Variants in NEMP2 observed in about 807,000 individuals in gnomAD.
The protein encoded by NEMP2 is UPF0571 transmembrane protein.
NEMP2 carries 53 observed loss-of-function variants against 54.2 expected under a neutral mutation model. The ratio of observed to expected loss-of-function variants is 0.98; its 90% CI spans 0.78 to 1.23. NEMP2 has a LOEUF of 1.23. Among genes scored for constraint, NEMP2 ranks in the 50% most tolerant of loss-of-function variants. The probability of loss-of-function intolerance (pLI) is 0.00; values close to 1 mark genes in which losing one functional copy is unlikely to be tolerated. For missense variants in NEMP2, 455 were observed against 511.3 expected (o/e 0.89, Z 1.06); for synonymous variants, 197 against 190.3 (o/e 1.04, Z -0.29).
Position 190,518,764 on chromosome 2 carries a change from G to T in NEMP2, c.490C>A (p.Leu164Ile). 6.5e-7 allele frequency: 1 copy of T among 1,542,920 alleles called. No homozygotes were observed. The highest frequency in any genetic ancestry group is 8.7e-7 in the Non-Finnish European group (1 of 1,144,552). Residue 164 changes from leucine to isoleucine, a missense_variant, in exon 4 of 9, where the codon CTT (leucine) becomes ATT (isoleucine). By Grantham distance (5) the Leu-to-Ile change is conservative. This residue lies in a region of NEMP2 where 294 missense variants were observed against 333.6 expected (regional missense o/e 0.88). Transcript: ENST00000409150. ...LFLVFVAGVF[L>I]FFYARTLSQS... ...CTCAGGGTCCTTGCATAAAAGAAAAGAAAAACTCCTGCCACAAACACAAGG... is the reference window on the plus strand; with the variant it reads ...CTCAGGGTCCTTGCATAAAAGAAAATAAAAACTCCTGCCACAAACACAAGG...
chr2:190,469,065 T>C, the NEMP2 span, among the ~76,000 whole-genome samples: 1 of 152,150 alleles, frequency 6.6e-6, no homozygotes, highest in Non-Finnish European at 1.5e-5. This position sits in a 1 kb window ranked among gnomAD's most constrained non-coding sequence, Gnocchi z 5.3. Flanking sequence ...ACTTATACTT[T>C]TGGCAGCGGT....
At chr2:190,534,891 C>T (rs1691316355), upstream of NEMP2, 3 of 365,654 alleles carry the variant, frequency 8.2e-6, no homozygotes, top group South Asian at 2.9e-4. Flanking sequence ...TGGCGCGACC[C>T]CGCTGGCATG....
chr2:190,576,681 C>T, the NEMP2 span, among the ~76,000 whole-genome samples: 27 of 151,846 alleles, frequency 1.8e-4, no homozygotes, highest in Non-Finnish European at 8.8e-5. Context: ...TGACTTGTTT[C>T]GTATGTGTTT....
chr2:190,518,552 C>T (rs1371098689), intron 4 of NEMP2, among the ~76,000 whole-genome samples, 184 bp downstream of exon 4: 1 of 152,180 alleles, frequency 6.6e-6, no homozygotes, highest in Non-Finnish European at 1.5e-5. Flanking sequence ...ATACATATCA[C>T]ACGATAAAAA....
the NEMP2 span, among the ~76,000 whole-genome samples, chr2:190,619,833 T>C: frequency 6.6e-6 from 1 of 152,140 alleles, no homozygotes; most frequent in African/African-American, 2.4e-5. The surrounding 1 kb of genome is among the most constrained non-coding windows in gnomAD (Gnocchi z 5.5). Flanking sequence ...TATAGGCCAC[T>C]GAGAAAAATG....
the NEMP2 span, among the ~76,000 whole-genome samples, chr2:190,486,229 C>T: frequency 3.3e-5 from 5 of 152,242 alleles, no homozygotes; most frequent in African/African-American, 1.2e-4. Flanking sequence ...TCCAGTTTGG[C>T]TGGTGGGAAG....
the NEMP2 span, among the ~76,000 whole-genome samples, chr2:190,429,227 C>A: frequency 3.4e-5 from 5 of 148,812 alleles, no homozygotes; most frequent in Non-Finnish European, 6.0e-5. Flanking sequence ...TCTTTTGTTA[C>A]GTGTGTGTGT....
At chr2:190,475,055 G>A in the NEMP2 span, among the ~76,000 whole-genome samples, 1 of 152,056 alleles carries the variant, frequency 6.6e-6, no homozygotes, top group African/African-American at 2.4e-5. Flanking sequence ...GGTATTGATG[G>A]GACATATCTC....
chr2:190,589,599 T>C, the NEMP2 span, among the ~76,000 whole-genome samples: 3 of 152,152 alleles, frequency 2.0e-5, no homozygotes, highest in African/African-American at 7.2e-5. This position sits in a 1 kb window ranked among gnomAD's most constrained non-coding sequence, Gnocchi z 4.3. Flanking sequence ...GCAGTTTCCC[T>C]AGAATCCTGG....
the NEMP2 span, among the ~76,000 whole-genome samples, chr2:190,459,241 G>A: frequency 6.6e-6 from 1 of 152,170 alleles, no homozygotes; most frequent in Non-Finnish European, 1.5e-5. This position sits in a 1 kb window ranked among gnomAD's most constrained non-coding sequence, Gnocchi z 5.3. Context: ...ACCACAGTCA[G>A]GAACAGCAGG....
the NEMP2 span, among the ~76,000 whole-genome samples, chr2:190,605,735 C>T: frequency 6.6e-6 from 1 of 152,198 alleles, no homozygotes; most frequent in Non-Finnish European, 1.5e-5. Context: ...TCTTGTTCCA[C>T]ATGGCCATCT....
the NEMP2 span, among the ~76,000 whole-genome samples, chr2:190,567,397 G>A: frequency 1.3e-4 from 19 of 151,894 alleles, no homozygotes; most frequent in Non-Finnish European, 2.4e-4. This position sits in a 1 kb window ranked among gnomAD's most constrained non-coding sequence, Gnocchi z 4.0. Context: ...AGAACTGAAG[G>A]CTATGTCTAA....
At chr2:190,544,221 C>T in the NEMP2 span, among the ~76,000 whole-genome samples, 2 of 152,142 alleles carry the variant, frequency 1.3e-5, no homozygotes, top group Admixed American at 6.5e-5. Context: ...TTTGTTGTAT[C>T]ACGTTTTTCT....
the NEMP2 span, among the ~76,000 whole-genome samples, chr2:190,622,709 A>C: frequency 6.6e-6 from 1 of 152,158 alleles, no homozygotes; most frequent in Non-Finnish European, 1.5e-5. Context: ...CACACCACGG[A>C]CCCTTATCTA....
the NEMP2 span, among the ~76,000 whole-genome samples, chr2:190,566,593 G>A: frequency 6.6e-4 from 98 of 148,172 alleles, no homozygotes; most frequent in Middle Eastern, 6.8e-3. Context: ...GTCTTAAAAC[G>A]GGAAAGAAAA....
chr2:190,575,720 G>A, the NEMP2 span, among the ~76,000 whole-genome samples: 1 of 152,158 alleles, frequency 6.6e-6, no homozygotes, highest in Non-Finnish European at 1.5e-5. Context: ...GTTGGGCATG[G>A]TGGTGCACGC....
At chr2:190,579,184 C>T in the NEMP2 span, among the ~76,000 whole-genome samples, 5 of 151,952 alleles carry the variant, frequency 3.3e-5, 1 homozygote, top group East Asian at 9.6e-4. Flanking sequence ...ACTTCTGTGC[C>T]TTGGTTCCCA....
chr2:190,550,970 GT>G, the NEMP2 span, among the ~76,000 whole-genome samples: 1 of 151,864 alleles, frequency 6.6e-6, no homozygotes. The surrounding 1 kb of genome is among the most constrained non-coding windows in gnomAD (Gnocchi z 4.7). Flanking sequence ...AGTCTCTTTA[GT>G]ATGTTATTCT....
At chr2:190,474,204 A>C in the NEMP2 span, among the ~76,000 whole-genome samples, 11 of 152,192 alleles carry the variant, frequency 7.2e-5, no homozygotes. Flanking sequence ...AAGGCAAGAA[A>C]TAACTAAGAT....
Sources: allele counts gnomAD v4.1 joint callset (sites outside exome capture counted in the v4.1 genomes callset), GRCh38; gene constraint gnomAD v4.1.1; regional missense constraint gnomAD v4.1.1; non-coding constraint Gnocchi (gnomAD v3.1); transcripts MANE v1.5; gene names NCBI Gene and HGNC (gene_info 2026-07-23, HGNC 2026-07-21).